Variants in TESC observed in about 807,000 individuals in gnomAD.
The protein encoded by TESC is calcineurin B homologous protein 3.
Under a neutral mutation model 31.0 loss-of-function variants are expected in TESC, and 19 were observed. The ratio of observed to expected loss-of-function variants is 0.61; its 90% CI spans 0.43 to 0.90. The LOEUF (loss-of-function observed/expected upper bound fraction) is 0.90, where lower values mean the gene tolerates loss of function less well. Among genes scored for constraint, TESC ranks in the 40% least tolerant of loss-of-function variants. The probability of loss-of-function intolerance (pLI) is 0.00; values close to 1 mark genes in which losing one functional copy is unlikely to be tolerated. For missense variants in TESC, 248 were observed against 303.8 expected (o/e 0.82, Z 1.36); for synonymous variants, 109 against 114.8 (o/e 0.95, Z 0.32).
chr12:117,071,439 G>T (rs1324807796), intron 2 of TESC, among the ~76,000 whole-genome samples: 1 of 147,618 alleles, frequency 6.8e-6, no homozygotes, highest in Non-Finnish European at 1.5e-5. Flanking sequence ...GAGGCTGTGG[G>T]CCTTCACGGG....
At chr12:117,065,713 A>G (rs970717002) in intron 2 of TESC, among the ~76,000 whole-genome samples, 7 of 152,002 alleles carry the variant, frequency 4.6e-5, no homozygotes, top group Admixed American at 4.6e-4. Context: ...ACATGGCAAG[A>G]CCCCATCTCT....
chr12:117,081,232 C>T (rs1955143219), intron 1 of TESC, among the ~76,000 whole-genome samples: 1 of 152,174 alleles, frequency 6.6e-6, no homozygotes, highest in Non-Finnish European at 1.5e-5. Context: ...AAACCACACA[C>T]CAGCCTGCCA....
intron 1 of TESC, among the ~76,000 whole-genome samples, chr12:117,075,875 GTATATATATATATATATATATATATATA>G (rs528031954): frequency 3.2e-5 from 2 of 62,542 alleles, no homozygotes. Context: ...ATATATGTGT[GTATATATATATATATATATATATATATA>G]TATATATATA....
At chr12:117,045,929 C>T (rs1954551148) in intron 6 of TESC, among the ~76,000 whole-genome samples, 2 of 152,192 alleles carry the variant, frequency 1.3e-5, no homozygotes, top group Non-Finnish European at 2.9e-5. Context: ...AAGAGAAAAT[C>T]CACCCTGCAC....
chr12:117,099,346 G>A lies in TESC; in HGVS notation c.-64C>T, dbSNP rs989434241. Reference sequence around the variant, plus strand: ...CAGGCCCCGCACTGGCTTCGGCTGCGCAGCGGCGGGACTGGCCTCGGGTCC... The same window carrying A: ...CAGGCCCCGCACTGGCTTCGGCTGCACAGCGGCGGGACTGGCCTCGGGTCC... On this transcript the variant is annotated 5_prime_UTR_variant, in exon 1 of 8. Transcript: ENST00000335209. 1.5e-6 allele frequency: 2 copies of A among 1,343,002 alleles called. No homozygotes were observed. Among genetic ancestry groups the A allele is most frequent in the Non-Finnish European group, 1.9e-6 (2 of 1,047,820 alleles). 83.2% of individuals were successfully genotyped at this position (1,343,002 alleles called of 1,614,324 possible). A position where few individuals can be genotyped will look rare whatever the true frequency, so the allele number is the denominator to read the frequency against.
chr12:117,074,276 G>A (rs1024472636), intron 2 of TESC, among the ~76,000 whole-genome samples: 13 of 152,124 alleles, frequency 8.5e-5, no homozygotes, highest in Admixed American at 5.9e-4. Context: ...GCTGAGGCAG[G>A]AGGATCGCTT....
chr12:117,073,944 T>G (rs900617981), intron 2 of TESC, among the ~76,000 whole-genome samples: 10 of 149,390 alleles, frequency 6.7e-5, no homozygotes, highest in African/African-American at 2.5e-5. Flanking sequence ...AATTAACAGG[T>G]CTGGTGCAGC....
In TESC at chr12:117,046,672, AG is replaced by A; in HGVS notation, c.412-7del. On this transcript the variant is annotated splice_polypyrimidine_tract_variant and splice_region_variant and intron_variant, in intron 5 of 7. Coordinates refer to ENST00000335209, the MANE Select transcript of TESC (RefSeq NM_017899.4). ...GACAGCAGCTCCTCGACCACCTGCC[AG>A]GTGGGGCGGAAACAAACGGTGACCT... The A allele has an allele frequency of 1.9e-6, 3 of 1,552,162 alleles. No homozygotes were observed. Among genetic ancestry groups the A allele is most frequent in the Non-Finnish European group, 2.6e-6 (3 of 1,147,162 alleles).
intron 3 of TESC, among the ~76,000 whole-genome samples, chr12:117,054,338 C>T (rs1017500427): frequency 3.3e-5 from 5 of 152,004 alleles, no homozygotes; most frequent in Non-Finnish European, 4.4e-5. Flanking sequence ...CCTTAAAGTC[C>T]GTCAGCGTCC....
chr12:117,080,513 G>C (rs901798971), intron 1 of TESC, among the ~76,000 whole-genome samples: 3 of 152,180 alleles, frequency 2.0e-5, no homozygotes, highest in African/African-American at 7.2e-5. Context: ...TGTCCTGCCT[G>C]ATTGAAAGCA....
intron 2 of TESC, among the ~76,000 whole-genome samples, chr12:117,058,745 TAAA>T (rs3070303): frequency 1.6e-5 from 2 of 124,178 alleles, no homozygotes; most frequent in Non-Finnish European, 1.7e-5. Flanking sequence ...TCCAATCTCT[TAAA>T]AAAAAAAAAA....
Position 117,099,369 on chromosome 12 carries a change from T to G in TESC, c.-87A>C. On this transcript the variant is annotated 5_prime_UTR_variant, in exon 1 of 8. Transcript: ENST00000335209. Reference sequence around the variant, plus strand: ...GCGCAGCGGCGGGACTGGCCTCGGGTCCGGCCTCGGGTCGGGACGCCGGCG... The same window carrying G: ...GCGCAGCGGCGGGACTGGCCTCGGGGCCGGCCTCGGGTCGGGACGCCGGCG... 7.8e-7 allele frequency: 1 copy of G among 1,278,578 alleles called. No individual in the cohort carries two copies. Among genetic ancestry groups the G allele is most frequent in the South Asian group, 2.1e-5 (1 of 48,062 alleles). 79.2% of individuals were successfully genotyped at this position (1,278,578 alleles called of 1,614,324 possible). A position where few individuals can be genotyped will look rare whatever the true frequency, so the allele number is the denominator to read the frequency against.
At chr12:117,048,296 T>A (rs1189069911) in intron 4 of TESC, among the ~76,000 whole-genome samples, 1 of 152,192 alleles carries the variant, frequency 6.6e-6, no homozygotes, top group Non-Finnish European at 1.5e-5. Context: ...ACACCAGGGA[T>A]CCACCCCCGC....
intron 1 of TESC, among the ~76,000 whole-genome samples, chr12:117,088,680 C>CA (rs60089641): frequency 0.3 from 36,639 of 120,704 alleles, 4,890 homozygotes; most frequent in Middle Eastern, 0.36. Flanking sequence ...GACTCTGTCT[C>CA]AAAAAAAAAA....
chr12:117,056,901 GGA>G lies in TESC; in HGVS notation c.129-17_129-16del, dbSNP rs1384008605. ...AGTTCTCCTTGCTGGTTTCCAAGAA[GGA>G]GAGATACCGGGAAGAGAATAAGGAA... is the stretch of plus-strand genomic sequence containing the variant. On this transcript the variant is annotated splice_polypyrimidine_tract_variant and intron_variant, in intron 2 of 7. Coordinates refer to ENST00000335209, the MANE Select transcript of TESC (RefSeq NM_017899.4). 2 of 1,613,456 alleles carry G rather than the reference GGA, an allele frequency of 1.2e-6. No individual in the cohort carries two copies. Among genetic ancestry groups the G allele is most frequent in the Non-Finnish European group, 1.7e-6 (2 of 1,179,520 alleles).
chr12:117,065,519 C>T (rs1331369409), intron 2 of TESC, among the ~76,000 whole-genome samples: 1 of 152,118 alleles, frequency 6.6e-6, no homozygotes, highest in Non-Finnish European at 1.5e-5. Flanking sequence ...AGCGGCATGT[C>T]TTATTGGATA....
chr12:117,040,807 C>T (rs568811624), intron 7 of TESC, among the ~76,000 whole-genome samples: 5 of 152,316 alleles, frequency 3.3e-5, no homozygotes, highest in Admixed American at 6.5e-5. Flanking sequence ...CGGTTCTAAC[C>T]GTTGGCTGCC....
At position 117,046,543 on chromosome 12, in the gene TESC, C is replaced by G. The variant is rs1271971211; in HGVS notation, c.519+16G>C. 5 of 1,544,666 alleles carry G rather than the reference C, an allele frequency of 3.2e-6. No individual in the cohort carries two copies. In the Admixed American group the frequency reaches 7.9e-5, roughly 24 times the overall value. On this transcript the variant is annotated intron_variant, in intron 6 of 7. Transcript: ENST00000335209. The stretch of plus-strand genomic sequence containing the variant: ...AAAGGCACTGCGCGTCTCGGGAGGG[C>G]TGCAGGGGCGCTCACCATCTGCCCC...
intron 6 of TESC, among the ~76,000 whole-genome samples, chr12:117,042,549 C>T (rs1414945367): frequency 1.3e-5 from 2 of 150,050 alleles, no homozygotes; most frequent in Non-Finnish European, 3.0e-5. Flanking sequence ...TCGTGAGTCA[C>T]CGTGATAACT....
Sources: allele counts gnomAD v4.1 joint callset (sites outside exome capture counted in the v4.1 genomes callset), GRCh38; gene constraint gnomAD v4.1.1; transcripts MANE v1.5; gene names NCBI Gene and HGNC (gene_info 2026-07-23, HGNC 2026-07-21).